The following CYP4F22 variants were observed in gnomAD, a reference collection of about 807,000 sequenced individuals.
CYP4F22 encodes the protein cytochrome P450 family 4 subfamily F member 22.
A neutral mutation model predicts 60.4 loss-of-function variants in CYP4F22; 37 were observed. The observed-to-expected ratio is 0.61, with a 90% CI of 0.47 to 0.81. The LOEUF (loss-of-function observed/expected upper bound fraction) is 0.81, where lower values mean the gene tolerates loss of function less well. Ranked by LOEUF, CYP4F22 falls within the 30% of genes least tolerant of loss-of-function variation. CYP4F22 has a pLI of 0.00. For missense variants in CYP4F22, 655 were observed against 715.0 expected (o/e 0.92, Z 0.96); for synonymous variants, 258 against 280.5 (o/e 0.92, Z 0.80).
Position 15,522,147 on chromosome 19 carries a change from GAAAAAAA to G in CYP4F22, c.-108-1533_-108-1527del, listed in dbSNP as rs5827288. ...GCAACAAAAGCGAAACTTTGTCTCA[GAAAAAAA>G]AAAAAAAAAAAAGGAAACACCATAT... On this transcript the variant is annotated intron_variant, in intron 1 of 13. Coordinates refer to ENST00000269703, the MANE Select transcript of CYP4F22 (RefSeq NM_173483.4). Among the ~76,000 whole-genome samples, 12 of 82,880 alleles carry G rather than the reference GAAAAAAA, an allele frequency of 1.4e-4. No homozygotes were observed. The South Asian group carries it at 3.1e-3, about 21-fold the overall frequency. The allele number at this position is 82,880 out of a possible 152,430, so 54.4% of individuals were successfully genotyped here. A position where few individuals can be genotyped will look rare whatever the true frequency, so the allele number is the denominator to read the frequency against.
chr19:15,526,747 CTT>C (rs751050534), intron 3 of CYP4F22, among the ~76,000 whole-genome samples: 8 of 134,374 alleles, frequency 6.0e-5, no homozygotes, highest in South Asian at 2.3e-4. Flanking sequence ...TAGACTTTTC[CTT>C]TTTTTTTTTT....
chr19:15,524,656 A>G (rs1353630702), intron 2 of CYP4F22, among the ~76,000 whole-genome samples: 1 of 144,520 alleles, frequency 6.9e-6, no homozygotes, highest in Non-Finnish European at 1.5e-5. Flanking sequence ...TTCAAAAAGA[A>G]AGAAAGAAAG....
chr19:15,545,468 C>T (rs556314521), intron 10 of CYP4F22, among the ~76,000 whole-genome samples: 7 of 151,504 alleles, frequency 4.6e-5, no homozygotes, highest in South Asian at 4.2e-4. Context: ...GGCAACATGA[C>T]GAAACCCTGT....
intron 1 of CYP4F22, chr19:15,515,401 T>C: frequency 8.1e-7 from 1 of 1,230,892 alleles, no homozygotes; most frequent in Admixed American, 1.7e-5. Context: ...TGTACTTTGT[T>C]GGTCCAACTC....
intron 1 of CYP4F22, among the ~76,000 whole-genome samples, chr19:15,511,698 G>C (rs914496839): frequency 2.0e-5 from 3 of 152,146 alleles, no homozygotes; most frequent in Non-Finnish European, 4.4e-5. Context: ...CCAGCGTTGG[G>C]GTGCTCTTCC....
intron 1 of CYP4F22, among the ~76,000 whole-genome samples, chr19:15,518,979 C>A (rs1187119428): frequency 6.6e-6 from 1 of 151,940 alleles, no homozygotes; most frequent in Non-Finnish European, 1.5e-5. Flanking sequence ...ACTAGCAGGA[C>A]CCGGCAACAG....
Position 15,508,569 on chromosome 19 carries a change from G to A in CYP4F22, c.-123G>A, listed in dbSNP as rs886054263. 2.0e-5 allele frequency: 3 copies of A among 152,514 alleles called. No individual in the cohort carries two copies. The highest frequency in any genetic ancestry group is 4.4e-5 in the Non-Finnish European group (3 of 68,296). The allele number at this position is 152,514 out of a possible 1,614,324, so 9.4% of individuals were successfully genotyped here. A position where few individuals can be genotyped will look rare whatever the true frequency, so the allele number is the denominator to read the frequency against. ...CGGTGGATCCGGATCGAGGGCAGGA[G>A]GCTGAGACCCGCGGGTGAGTGCGCG... On this transcript the variant is annotated 5_prime_UTR_variant, in exon 1 of 14. Transcript: ENST00000269703.
intron 4 of CYP4F22, among the ~76,000 whole-genome samples, chr19:15,534,019 C>T (rs918876193): frequency 6.6e-6 from 1 of 152,084 alleles, no homozygotes; most frequent in African/African-American, 2.4e-5. Context: ...TTTTAAGGAG[C>T]CACCTTGCTG....
At chr19:15,518,702 A>AG (rs2144503153) in intron 1 of CYP4F22, among the ~76,000 whole-genome samples, 1 of 147,650 alleles carries the variant, frequency 6.8e-6, no homozygotes, top group East Asian at 1.9e-4. Context: ...AAAAAAAAAA[A>AG]GAAAAACCGT....
At chr19:15,549,407 G>A (rs1230301409) in intron 12 of CYP4F22, among the ~76,000 whole-genome samples, 1 of 152,180 alleles carries the variant, frequency 6.6e-6, no homozygotes, top group African/African-American at 2.4e-5. Context: ...GTGTGTGCTG[G>A]GCTCTGAAAA....
rs1387348726 is a variant in CYP4F22, at chr19:15,548,030, TG to T, written c.1137-77del. On this transcript the variant is annotated intron_variant, in intron 10 of 13. Transcript: ENST00000269703. ...GTGTGTGTGTGTGTGTGTGTGTGTG[TG>T]TGTGTGTGTGTGTGTGTGTTTTGGG... 1.3e-4 allele frequency: 170 copies of T among 1,322,232 alleles called. No individual in the cohort carries two copies. The African/African-American group carries it at 2.2e-3, about 17-fold the overall frequency. 81.9% of individuals were successfully genotyped at this position (1,322,232 alleles called of 1,614,324 possible).
intron 3 of CYP4F22, among the ~76,000 whole-genome samples, chr19:15,529,281 A>G (rs978736835): frequency 1.3e-5 from 2 of 151,746 alleles, no homozygotes; most frequent in African/African-American, 4.8e-5. Flanking sequence ...GGCGCCCACC[A>G]CCAAGCCCAG....
At position 15,525,535 on chromosome 19, in the gene CYP4F22, T is replaced by G. The variant is rs539182601; in HGVS notation, c.199T>G (p.Trp67Gly). ...CTTCCCCCAGCCTCCCCGGCGCAAC[T>G]GGCTGCTGGGCCACCTGGGCATGGT... is the stretch of plus-strand genomic sequence containing the variant. ...RCFPQPPRRN[W>G]LLGHLGMYLP... The change falls in exon 3 of 14, where the codon TGG becomes GGG. Residue 67 changes from tryptophan to glycine, a missense_variant. This residue lies in a region of CYP4F22 where 430 missense variants were observed against 457.1 expected (regional missense o/e 0.94). Transcript: ENST00000269703. 1 of 1,610,234 alleles carries G rather than the reference T, an allele frequency of 6.2e-7. No homozygotes were observed. Among genetic ancestry groups the G allele is most frequent in the South Asian group, 1.1e-5 (1 of 91,058 alleles).
rs142924641 is a variant in CYP4F22 at position 15,525,694 on chromosome 19, G to T, written c.222+136G>T. ...GCTAGCAGCAGATTTATATGATGGG[G>T]TATGAGGCTGAGGCTCAGAGAGGGC... On this transcript the variant is annotated intron_variant, in intron 3 of 13. Transcript: ENST00000269703. 2.4e-5 allele frequency: 20 copies of T among 848,662 alleles called. No individual in the cohort carries two copies. In the South Asian group the frequency reaches 2.7e-4, roughly 12 times the overall value. 52.6% of individuals were successfully genotyped at this position (848,662 alleles called of 1,614,324 possible). A position where few individuals can be genotyped will look rare whatever the true frequency, so the allele number is the denominator to read the frequency against.
chr19:15,520,590 T>C (rs1259638930), intron 1 of CYP4F22, among the ~76,000 whole-genome samples: 1 of 151,844 alleles, frequency 6.6e-6, no homozygotes, highest in Non-Finnish European at 1.5e-5. Flanking sequence ...ACTTCTTTTT[T>C]CATTTTTATT....
At chr19:15,518,332 G>A (rs1971178381) in intron 1 of CYP4F22, among the ~76,000 whole-genome samples, 1 of 151,832 alleles carries the variant, frequency 6.6e-6, no homozygotes, top group Non-Finnish European at 1.5e-5. Flanking sequence ...GCAAGACCCT[G>A]CCTCTAAAAG....
At chr19:15,521,715 G>A (rs867080726) in intron 1 of CYP4F22, among the ~76,000 whole-genome samples, 1 of 152,266 alleles carries the variant, frequency 6.6e-6, no homozygotes, top group South Asian at 2.1e-4. Flanking sequence ...ATGTCACCCA[G>A]GCTGGGGTGC....
rs1433494425 is a variant in CYP4F22, at chr19:15,547,998, AGAGAGTGTGTGTGT to A, written c.1137-108_1137-95del. On this transcript the variant is annotated intron_variant, in intron 10 of 13. Coordinates refer to ENST00000269703, the MANE Select transcript of CYP4F22 (RefSeq NM_173483.4). ...GAGAGAGAGAGAGAGAGAGAGAGGG[AGAGAGTGTGTGTGT>A]GTGTGTGTGTGTGTGTGTGTGTGTG... is the stretch of plus-strand genomic sequence containing the variant. 8.7e-3 allele frequency: 2,740 copies of A among 316,492 alleles called. 124 individuals are homozygous for A. In the African/African-American group the frequency reaches 0.098, roughly 11 times the overall value. 19.6% of individuals were successfully genotyped at this position (316,492 alleles called of 1,614,324 possible).
chr19:15,549,464 T>C (rs973241572), intron 12 of CYP4F22, among the ~76,000 whole-genome samples: 5 of 152,100 alleles, frequency 3.3e-5, no homozygotes, highest in African/African-American at 1.2e-4. Context: ...CAGTGAAGTT[T>C]TGGGGAAGAC....
Sources: gnomAD v4.1 joint callset for allele counts (sites outside exome capture counted in the v4.1 genomes callset) on GRCh38, gnomAD v4.1.1 for gene constraint, gnomAD v4.1.1 regional missense constraint, MANE v1.5 for transcripts, NCBI Gene and HGNC (gene_info 2026-07-23, HGNC 2026-07-21) for gene names.